The following PSMB5 variants were observed in gnomAD, a reference collection of about 807,000 sequenced individuals.
The protein encoded by PSMB5 is proteasome 20S subunit beta 5, also known as proteasome subunit beta type-5.
Under a neutral mutation model 22.8 loss-of-function variants are expected in PSMB5, and 2 were observed. That is an observed-to-expected ratio of 0.09 (90% CI 0.04 to 0.28). The LOEUF is 0.28. PSMB5 is among the 10% of genes least tolerant of loss of function. PSMB5 has a pLI of 1.00. For missense variants in PSMB5, 269 were observed against 343.8 expected (o/e 0.78, Z 1.72); for synonymous variants, 133 against 135.3 (o/e 0.98, Z 0.12).
chr14:23,028,921 C>G (rs2139915135), intron 2 of PSMB5, among the ~76,000 whole-genome samples: 1 of 152,300 alleles, frequency 6.6e-6, no homozygotes, highest in East Asian at 1.9e-4. Context: ...ACCTACCACA[C>G]TCATCTCTCT....
chr14:23,026,227 G>C lies in PSMB5; in HGVS notation c.654C>G (p.Ala218=). The change falls in exon 3 of 3, where the codon GCC becomes GCG. Residue 218 remains alanine, a synonymous_variant. Transcript: ENST00000361611. The part of the protein sequence containing the change: ...VEQAYDLARR[A]IYQATYRDAY... ...CATCTCTGTAGGTGGCTTGGTAGAT[G>C]GCTCGACGGGCCAGATCATAGGCCT... 3.1e-6 allele frequency: 5 copies of C among 1,614,060 alleles called. No homozygotes were observed. Among genetic ancestry groups the C allele is most frequent in the Non-Finnish European group, 4.2e-6 (5 of 1,180,000 alleles).
intron 2 of PSMB5, among the ~76,000 whole-genome samples, chr14:23,030,860 G>A (rs1036795814): frequency 6.6e-5 from 10 of 152,280 alleles, no homozygotes; most frequent in Admixed American, 1.3e-4. Flanking sequence ...AGGAGGTGGA[G>A]GTTGCAATGA....
Position 23,025,862 on chromosome 14 carries a change from A to G in PSMB5, c.*227T>C, listed in dbSNP as rs144359924. On this transcript the variant is annotated 3_prime_UTR_variant, in exon 3 of 3. Transcript: ENST00000361611. ...GATGCAACACAGGCTGAGATTGAGT[A>G]GTGAGTAGTGTAATGTTAACATCCA... 1.5e-5 allele frequency: 21 copies of G among 1,391,380 alleles called. No individual in the cohort carries two copies. The highest frequency in any genetic ancestry group is 2.0e-5 in the Non-Finnish European group (21 of 1,072,490). 86.2% of individuals were successfully genotyped at this position (1,391,380 alleles called of 1,614,324 possible). A position where few individuals can be genotyped will look rare whatever the true frequency, so the allele number is the denominator to read the frequency against.
chr14:23,027,313 G>A (rs1207660679), intron 2 of PSMB5, among the ~76,000 whole-genome samples: 11 of 144,110 alleles, frequency 7.6e-5, no homozygotes, highest in East Asian at 2.1e-4. Context: ...CCCGGGAGGC[G>A]GAGCTTGCGG....
intron 2 of PSMB5, among the ~76,000 whole-genome samples, chr14:23,029,287 A>G (rs113498005): frequency 1.3e-5 from 2 of 152,194 alleles, no homozygotes; most frequent in Non-Finnish European, 2.9e-5. Context: ...GGGGGTCATC[A>G]TCTGGTTCCA....
At chr14:23,027,848 A>G in intron 2 of PSMB5, 1 of 1,533,448 alleles carries the variant, frequency 6.5e-7, no homozygotes, top group Non-Finnish European at 8.8e-7. Flanking sequence ...GATAACATTT[A>G]AAACATAATC....
At chr14:23,026,469 G>A (rs2139911104) in intron 2 of PSMB5, 94 bp from the exon 3 acceptor site, 1 of 1,497,326 alleles carries the variant, frequency 6.7e-7, no homozygotes, top group Non-Finnish European at 8.9e-7. Flanking sequence ...TTTTTTTTGA[G>A]ATGGAGTTTT....
At position 23,025,911 on chromosome 14, in the gene PSMB5, T is replaced by C. The variant is rs1025979701; in HGVS notation, c.*178A>G. On this transcript the variant is annotated 3_prime_UTR_variant, in exon 3 of 3. Coordinates refer to ENST00000361611, the MANE Select transcript of PSMB5 (RefSeq NM_002797.5). ...CAAGAAAGTAAAACAAATAGTCACC[T>C]CTGCAGCAGCTCATTAATGACTGGT... 6.9e-7 allele frequency: 1 copy of C among 1,445,040 alleles called. No homozygotes were observed. Among genetic ancestry groups the C allele is most frequent in the South Asian group, 1.5e-5 (1 of 67,886 alleles). The allele number at this position is 1,445,040 out of a possible 1,614,324, so 89.5% of individuals were successfully genotyped here. A position where few individuals can be genotyped will look rare whatever the true frequency, so the allele number is the denominator to read the frequency against.
chr14:23,028,937 G>A (rs954033945), intron 2 of PSMB5, among the ~76,000 whole-genome samples: 4 of 152,082 alleles, frequency 2.6e-5, no homozygotes, highest in South Asian at 2.1e-4. Context: ...TCTCTTGTGC[G>A]CCACAAACCC....
chr14:23,034,562 C>G, intron 1 of PSMB5, 122 bp downstream of exon 1: 1 of 1,168,916 alleles, frequency 8.6e-7, no homozygotes, highest in Non-Finnish European at 1.2e-6. Context: ...GCGGTCCGAA[C>G]GAGAGGACCC....
intron 2 of PSMB5, among the ~76,000 whole-genome samples, chr14:23,027,396 AAT>A (rs1479447479): frequency 2.3e-5 from 3 of 129,372 alleles, no homozygotes; most frequent in African/African-American, 7.0e-5. Flanking sequence ...AAAAAAAAAT[AAT>A]AATAATAATA....
upstream of PSMB5, chr14:23,035,017 T>C: frequency 7.0e-7 from 1 of 1,428,996 alleles, no homozygotes; most frequent in South Asian, 1.5e-5. Flanking sequence ...CAAGCACGCC[T>C]CCAAAAAGAA....
chr14:23,026,167 C>T lies in PSMB5; in HGVS notation c.714G>A (p.Val238=). Residue 238 remains valine, a synonymous_variant, in exon 3 of 3, where the codon GTG becomes GTA. Transcript: ENST00000361611. ...AGACTCGGATCCAGCCATCCTCCCG[C>T]ACGTGGTAGAGGTTGACTGCACCTC... ...YSGGAVNLYH[V]REDGWIRVSS... 3 of 1,614,172 alleles carry T rather than the reference C, an allele frequency of 1.9e-6. No individual in the cohort carries two copies. The highest frequency in any genetic ancestry group is 2.5e-6 in the Non-Finnish European group (3 of 1,180,036).
intron 2 of PSMB5, chr14:23,027,778 CA>C (rs1338420853): frequency 3.2e-6 from 5 of 1,548,718 alleles, no homozygotes; most frequent in Non-Finnish European, 4.4e-6. Flanking sequence ...AGCACACCCA[CA>C]AAACAAGTAC....
In PSMB5 at chr14:23,033,443, T is replaced by C. The variant is rs1479193795; in HGVS notation, c.430A>G (p.Asn144Asp). 1 of 1,614,088 alleles carries C rather than the reference T, an allele frequency of 6.2e-7. No homozygotes were observed. The highest frequency in any genetic ancestry group is 8.5e-7 in the Non-Finnish European group (1 of 1,180,026). The part of the protein sequence containing the change: ...SVAAASKLLA[N>D]MVYQYKGMGL... The stretch of plus-strand genomic sequence containing the variant: ...ATGCCTTTGTACTGATACACCATGT[T>C]GGCAAGCAGTTTGGAGGCAGCTGCT... Residue 144 changes from asparagine (N) to aspartate (D), a missense_variant, in exon 2 of 3, where the codon AAC becomes GAC. Around this residue, in one of 3 missense-constraint regions of PSMB5, gnomAD observed 75 missense variants for 143.2 expected, o/e 0.52. Coordinates refer to ENST00000361611, the MANE Select transcript of PSMB5 (RefSeq NM_002797.5).
At position 23,026,354 on chromosome 14, in the gene PSMB5, T is replaced by C; in HGVS notation, c.527A>G (p.Glu176Gly). The change falls in exon 3 of 3, where the codon GAA becomes GGA. Residue 176 changes from glutamate (E) to glycine (G), a missense_variant. Physicochemically the swap from Glu to Gly is moderately conservative, Grantham distance 98. Coordinates refer to ENST00000361611, the MANE Select transcript of PSMB5 (RefSeq NM_002797.5). ...RGPGLYYVDS[E>G]GNRISGATFS... is the part of the protein sequence containing the mutation. ...GGTGGCCCCTGAAATCCGGTTCCCTTCACTGTCCACGTAGTAGAGGCCTGG... is the reference window on the plus strand; with the variant it reads ...GGTGGCCCCTGAAATCCGGTTCCCTCCACTGTCCACGTAGTAGAGGCCTGG... 1 of 1,613,928 alleles carries C rather than the reference T, an allele frequency of 6.2e-7. No homozygotes were observed. The highest frequency in any genetic ancestry group is 8.5e-7 in the Non-Finnish European group (1 of 1,179,968).
chr14:23,027,392 A>T (rs186691707), intron 2 of PSMB5, among the ~76,000 whole-genome samples: 2,820 of 141,384 alleles, frequency 0.02, 52 homozygotes, highest in African/African-American at 0.041. Context: ...AAAAAAAAAA[A>T]AATAATAATA....
chr14:23,027,897 A>G (rs1041329435), intron 2 of PSMB5: 2 of 1,261,092 alleles, frequency 1.6e-6, no homozygotes, highest in African/African-American at 1.5e-5. Context: ...TAATCCCAGC[A>G]CTTTGGGAGG....
At chr14:23,034,598 G>C in intron 1 of PSMB5, 86 bp downstream of exon 1, 1 of 1,510,552 alleles carries the variant, frequency 6.6e-7, no homozygotes, top group Non-Finnish European at 8.9e-7. Context: ...TGGTGGCCAA[G>C]GCCACCGCAA....
Sources: allele counts gnomAD v4.1 joint callset (sites outside exome capture counted in the v4.1 genomes callset), GRCh38; gene constraint gnomAD v4.1.1; regional missense constraint gnomAD v4.1.1; transcripts MANE v1.5; gene names NCBI Gene and HGNC (gene_info 2026-07-23, HGNC 2026-07-21).